The following KIF23 variants were observed in gnomAD, a reference collection of about 807,000 sequenced individuals.
The protein encoded by KIF23 is kinesin-like protein KIF23.
In KIF23, 30 loss-of-function variants were observed where a neutral mutation model predicts 137.5. The ratio of observed to expected loss-of-function variants is 0.22; its 90% confidence interval spans 0.16 to 0.30. The LOEUF (loss-of-function observed/expected upper bound fraction) is 0.30, where lower values mean the gene tolerates loss of function less well. Ranked by LOEUF, KIF23 falls within the 10% of genes least tolerant of loss-of-function variation. The probability of loss-of-function intolerance (pLI) is 1.00; values close to 1 mark genes in which losing one functional copy is unlikely to be tolerated. For synonymous variants in KIF23, 367 were observed against 391.1 expected, an observed-to-expected ratio of 0.94 and a Z score of 0.73; for missense variants, 920 against 1,194.3, an observed-to-expected ratio of 0.77 and a Z score of 3.38.
Position 69,447,858 on chromosome 15 carries a change from T to C in KIF23, c.*51T>C, listed in dbSNP as rs749066955. 6.3e-7 allele frequency: 1 copy of C among 1,584,186 alleles called. No homozygotes were observed. Among genetic ancestry groups the C allele is most frequent in the Admixed American group, 1.7e-5 (1 of 59,534 alleles). The stretch of plus-strand genomic sequence containing the variant: ...CATTTTCATTTGTGTGGATGATTTC[T>C]CGAAAGCCATGCCAGAAGCAGTCTT... On this transcript the variant is annotated 3_prime_UTR_variant, in exon 24 of 24. Transcript: ENST00000679126.
At chr15:69,440,518 G>A (rs2057590204) in intron 18 of KIF23, 31 bp downstream of exon 18, 5 of 1,557,604 alleles carry the variant, frequency 3.2e-6, no homozygotes, top group Non-Finnish European at 4.3e-6. Context: ...TAGTAACTTT[G>A]TACTAGAGAA....
Position 69,423,183 on chromosome 15 carries a change from A to G in KIF23, c.588A>G (p.Ala196=). The change falls in exon 7 of 24, where the codon GCA becomes GCG. Residue 196 remains alanine (A), a synonymous_variant. Coordinates refer to ENST00000679126, the MANE Select transcript of KIF23 (RefSeq NM_001367805.3). The part of the protein sequence containing the change: ...SSKRQVDPEF[A]DMITVQEFCK... ...GACGACAAGTAGATCCAGAGTTTGC[A>G]GATATGATAACTGTACAAGAATTCT... 1 of 1,598,410 alleles carries G rather than the reference A, an allele frequency of 6.3e-7. No homozygotes were observed. Among genetic ancestry groups the G allele is most frequent in the South Asian group, 1.1e-5 (1 of 88,744 alleles).
intron 8 of KIF23, among the ~76,000 whole-genome samples, 200 bp downstream of exon 8, chr15:69,425,523 A>G (rs1375604964): frequency 6.6e-6 from 1 of 152,184 alleles, no homozygotes; most frequent in Admixed American, 6.5e-5. Context: ...CTCACCATTC[A>G]CAAGACTTAA....
Position 69,444,961 on chromosome 15 carries a change from G to A in KIF23, c.2593G>A (p.Ala865Thr), listed in dbSNP as rs1320098565. 2 of 1,614,168 alleles carry A rather than the reference G, an allele frequency of 1.2e-6. No homozygotes were observed. Among genetic ancestry groups the A allele is most frequent in the Non-Finnish European group, 1.7e-6 (2 of 1,180,036 alleles). The change falls in exon 20 of 24, where the codon GCA becomes ACA. Residue 865 changes from alanine to threonine, a missense_variant. Around this residue, in one of 4 missense-constraint regions of KIF23, gnomAD observed 75 missense variants for 177.9 expected, o/e 0.42. Coordinates refer to ENST00000679126, the MANE Select transcript of KIF23 (RefSeq NM_001367805.3). The surrounding 1 kb of genome is among the most constrained non-coding windows in gnomAD (Gnocchi z 4.2). ...AITVSVANEK[A>T]LAKCEKYMLT... ...CACAGTATCTGTTGCAAATGAAAAG[G>A]CACTAGCTAAGTGTGAGAAGTACAT...
At chr15:69,428,320 T>C (rs1255086361) in intron 10 of KIF23, among the ~76,000 whole-genome samples, 1 of 151,834 alleles carries the variant, frequency 6.6e-6, no homozygotes, top group Non-Finnish European at 1.5e-5. Context: ...ACATCTAATA[T>C]TACAGCATTA....
chr15:69,436,292 T>C, intron 14 of KIF23, 31 bp downstream of exon 14: 1 of 1,598,386 alleles, frequency 6.3e-7, no homozygotes, highest in East Asian at 2.2e-5. Context: ...ATTTGTCCAC[T>C]CATTGGTCTG....
chr15:69,422,047 T>C lies in KIF23; in HGVS notation c.372T>C (p.Gly124=). 6.2e-7 allele frequency: 1 copy of C among 1,614,154 alleles called. No individual in the cohort carries two copies. The highest frequency in any genetic ancestry group is 8.5e-7 in the Non-Finnish European group (1 of 1,179,998). ...GTGGAAAAACTCACACAATGACTGG[T>C]TCTCCAGGGGAAGGAGGGCTGCTTC... is the stretch of plus-strand genomic sequence containing the variant. ...TGSGKTHTMT[G]SPGEGGLLPR... Residue 124 remains glycine (G), a synonymous_variant, in exon 5 of 24, where the codon GGT becomes GGC. Coordinates refer to ENST00000679126, the MANE Select transcript of KIF23 (RefSeq NM_001367805.3).
intron 7 of KIF23, among the ~76,000 whole-genome samples, chr15:69,424,885 G>A (rs574943470): frequency 6.6e-6 from 1 of 152,248 alleles, no homozygotes; most frequent in Non-Finnish European, 1.5e-5. Flanking sequence ...CTAATCTTGA[G>A]TATACCCATT....
chr15:69,431,553 G>A (rs1182767295), intron 11 of KIF23, among the ~76,000 whole-genome samples: 1 of 151,992 alleles, frequency 6.6e-6, no homozygotes, highest in Non-Finnish European at 1.5e-5. Context: ...AGCAGAGCTT[G>A]CAGTGAGCCG....
rs551990957 is a variant in KIF23 at position 69,423,052 on chromosome 15, G to A, written c.564-107G>A. 5.5e-6 allele frequency: 4 copies of A among 730,752 alleles called. No homozygotes were observed. In the Admixed American group the frequency reaches 1.1e-4, roughly 19 times the overall value. 45.3% of individuals were successfully genotyped at this position (730,752 alleles called of 1,614,324 possible). ...GATCTCAGGTGATCCGCCTGCCTCGGCCTCCCAAAGTGCTGGGATTATAGC... is the reference window on the plus strand; with the variant it reads ...GATCTCAGGTGATCCGCCTGCCTCGACCTCCCAAAGTGCTGGGATTATAGC... On this transcript the variant is annotated intron_variant, in intron 6 of 23. Transcript: ENST00000679126.
intron 20 of KIF23, 78 bp from the exon 21 acceptor site, chr15:69,445,931 G>T: frequency 9.8e-7 from 1 of 1,018,726 alleles, no homozygotes; most frequent in South Asian, 1.4e-5. Flanking sequence ...AGAATCATGA[G>T]AACAGTTTGA....
chr15:69,442,739 G>A (rs1225546141), intron 19 of KIF23, among the ~76,000 whole-genome samples: 2 of 152,136 alleles, frequency 1.3e-5, no homozygotes, highest in Admixed American at 6.5e-5. Context: ...CTTGCAAACC[G>A]TAATGAGATA....
intron 3 of KIF23, among the ~76,000 whole-genome samples, chr15:69,420,634 T>C (rs2140320851): frequency 6.6e-6 from 1 of 152,382 alleles, no homozygotes; most frequent in Non-Finnish European, 1.5e-5. Flanking sequence ...GGTTTTAAAC[T>C]ATAGTACATC....
chr15:69,445,461 C>T (rs576400540), intron 20 of KIF23, among the ~76,000 whole-genome samples: 7 of 151,606 alleles, frequency 4.6e-5, no homozygotes, highest in African/African-American at 1.5e-4. Context: ...TGCCTAAAGC[C>T]GTTTTCCAGA....
intron 10 of KIF23, among the ~76,000 whole-genome samples, chr15:69,428,776 T>C (rs1214971912): frequency 6.6e-6 from 1 of 152,056 alleles, no homozygotes; most frequent in African/African-American, 2.4e-5. Context: ...TAGACTCTTA[T>C]TCAGCAAATA....
Position 69,436,224 on chromosome 15 carries a change from G to A in KIF23, c.1401G>A (p.Arg467=). The A allele has an allele frequency of 6.2e-7, 1 of 1,613,912 alleles. No homozygotes were observed. The highest frequency in any genetic ancestry group is 1.1e-5 in the South Asian group (1 of 91,056). Residue 467 remains arginine (R), a synonymous_variant, in exon 14 of 24, where the codon AGG becomes AGA. Transcript: ENST00000679126. ...DKAICGLTPG[R]RYRNQPRGPV... is the part of the protein sequence containing the mutation. ...CAATATGTGGTTTAACGCCTGGGAGGAGATACAGAAACCAGCCTCGAGGTC... is the reference window on the plus strand; with the variant it reads ...CAATATGTGGTTTAACGCCTGGGAGAAGATACAGAAACCAGCCTCGAGGTC...
chr15:69,444,750 A>G lies in KIF23; in HGVS notation c.2422-40A>G. The G allele has an allele frequency of 6.3e-7, 1 of 1,599,468 alleles. No homozygotes were observed. Among genetic ancestry groups the G allele is most frequent in the Non-Finnish European group, 8.5e-7 (1 of 1,170,970 alleles). On this transcript the variant is annotated intron_variant, in intron 19 of 23. Transcript: ENST00000679126. This position sits in a 1 kb window ranked among gnomAD's most constrained non-coding sequence, Gnocchi z 4.2. ...TAGCCAAACCTGCTGCACTTCTAAT[A>G]ATACCCTTAAATTAATTCTGGGTTA...
At chr15:69,429,684 TA>T (rs1441119606) in intron 11 of KIF23, among the ~76,000 whole-genome samples, 1 of 152,166 alleles carries the variant, frequency 6.6e-6, no homozygotes, top group East Asian at 1.9e-4. Flanking sequence ...GGTTTGGTAT[TA>T]ATCTATTACA....
chr15:69,422,497 G>GCC, intron 6 of KIF23, 62 bp downstream of exon 6: 1 of 927,280 alleles, frequency 1.1e-6, no homozygotes. Context: ...CCTGTGGTTT[G>GCC]CCCAGACATG....
Sources: allele counts gnomAD v4.1 joint callset (sites outside exome capture counted in the v4.1 genomes callset), GRCh38; gene constraint gnomAD v4.1.1; regional missense constraint gnomAD v4.1.1; non-coding constraint Gnocchi (gnomAD v3.1); transcripts MANE v1.5; gene names NCBI Gene and HGNC (gene_info 2026-07-23, HGNC 2026-07-21).